Variants in COL4A4 observed in about 807,000 individuals in gnomAD.
COL4A4 encodes the protein collagen alpha-4(IV) chain.
A neutral mutation model predicts 192.9 loss-of-function variants in COL4A4; 105 were observed. The observed-to-expected ratio is 0.54, with a 90% CI of 0.46 to 0.64. The LOEUF (loss-of-function observed/expected upper bound fraction) is 0.64, where lower values mean the gene tolerates loss of function less well. Among genes scored for constraint, COL4A4 ranks in the 30% least tolerant of loss-of-function variants. COL4A4 has a pLI of 0.00. For missense variants in COL4A4, 1,967 were observed against 2,169.3 expected, an observed-to-expected ratio of 0.91 and a Z score of 1.85; for synonymous variants, 762 against 769.9, an observed-to-expected ratio of 0.99 and a Z score of 0.17.
At chr2:227,157,750 A>T (rs2064468902) in intron 1 of COL4A4, among the ~76,000 whole-genome samples, 1 of 152,058 alleles carries the variant, frequency 6.6e-6, no homozygotes. Context: ...TTTATAATTA[A>T]TGAATTTTGT....
rs1977414623 is a variant in COL4A4 at position 227,062,611 on chromosome 2, A to G, written c.1988-13T>C. The G allele has an allele frequency of 2.5e-6, 4 of 1,604,996 alleles. No homozygotes were observed. The Admixed American group carries it at 6.7e-5, about 27-fold the overall frequency. On this transcript the variant is annotated splice_polypyrimidine_tract_variant and intron_variant, in intron 25 of 47. Transcript: ENST00000396625. ...GAAATTGTGTCACCTGCAATGAGAAAAGAAAAGCGGCATTCACATAACTGA... is the reference window on the plus strand; with the variant it reads ...GAAATTGTGTCACCTGCAATGAGAAGAGAAAAGCGGCATTCACATAACTGA...
At chr2:227,088,311 T>C (rs938908831) in intron 22 of COL4A4, among the ~76,000 whole-genome samples, 1 of 152,112 alleles carries the variant, frequency 6.6e-6, no homozygotes, top group African/African-American at 2.4e-5. Flanking sequence ...TCCCCATGTG[T>C]TGAGGGAGGG....
chr2:227,099,346 C>T (rs896251216), intron 18 of COL4A4, among the ~76,000 whole-genome samples: 8 of 152,142 alleles, frequency 5.3e-5, no homozygotes, highest in African/African-American at 1.4e-4. Context: ...GAGTTACAGG[C>T]GTGAGCCACT....
chr2:227,162,778 T>TG (rs1457872567), intron 1 of COL4A4, among the ~76,000 whole-genome samples: 2 of 152,210 alleles, frequency 1.3e-5, no homozygotes, highest in Non-Finnish European at 2.9e-5. Flanking sequence ...CTGATAAAAT[T>TG]GGCTTGGAAT....
intron 43 of COL4A4, chr2:227,022,604 T>C (rs1966239248): frequency 1.9e-6 from 1 of 526,236 alleles, no homozygotes; most frequent in Non-Finnish European, 3.9e-6. Context: ...GAGTCCTTAC[T>C]CTACACTGCA....
chr2:227,138,364 TGGC>T (rs2062962749), intron 4 of COL4A4, among the ~76,000 whole-genome samples: 1 of 151,724 alleles, frequency 6.6e-6, no homozygotes, highest in Non-Finnish European at 1.5e-5. Context: ...CCTGGTGCAG[TGGC>T]TCACGCCTGT....
rs796951546 is a variant in COL4A4, at chr2:227,111,596, G to A, written c.594+82C>T. On this transcript the variant is annotated intron_variant, in intron 9 of 47. Coordinates refer to ENST00000396625, the MANE Select transcript of COL4A4 (RefSeq NM_000092.5). ...CTAGGTGAGCCGCACAAATTATGTAGCTGGCTTTGCTGGGATTAAAACGTG... is the reference window on the plus strand; with the variant it reads ...CTAGGTGAGCCGCACAAATTATGTAACTGGCTTTGCTGGGATTAAAACGTG... 6 of 1,442,138 alleles carry A rather than the reference G, an allele frequency of 4.2e-6. No individual in the cohort carries two copies. The African/African-American group carries it at 5.6e-5, about 13-fold the overall frequency. 89.3% of individuals were successfully genotyped at this position (1,442,138 alleles called of 1,614,324 possible). A position where few individuals can be genotyped will look rare whatever the true frequency, so the allele number is the denominator to read the frequency against.
intron 20 of COL4A4, among the ~76,000 whole-genome samples, chr2:227,092,195 A>G (rs2059978701): frequency 6.6e-6 from 1 of 152,226 alleles, no homozygotes; most frequent in Admixed American, 6.5e-5. Context: ...AAATGCCATC[A>G]AAATCCTGAG....
chr2:227,092,887 G>T lies in COL4A4; in HGVS notation c.1369+1238C>A, dbSNP rs1453452241. Among the ~76,000 whole-genome samples, 8 of 152,322 alleles carry T rather than the reference G, an allele frequency of 5.3e-5. No homozygotes were observed. The South Asian group carries it at 1.7e-3, about 32-fold the overall frequency. On this transcript the variant is annotated intron_variant, in intron 20 of 47. Coordinates refer to ENST00000396625, the MANE Select transcript of COL4A4 (RefSeq NM_000092.5). ...CCGTAAAGGAAAGTCAAAAGATAAT[G>T]CTGAATTGGAAAAATTGAGAAATAG... is the stretch of plus-strand genomic sequence containing the variant.
At chr2:227,021,698 G>A (rs1009983364) in intron 44 of COL4A4, among the ~76,000 whole-genome samples, 6 of 152,194 alleles carry the variant, frequency 3.9e-5, no homozygotes, top group South Asian at 2.1e-4. Flanking sequence ...GGTGGTGGGC[G>A]CCTGTAGTCC....
rs942999651 is a variant in COL4A4, at chr2:227,003,197, A to G, written c.*4128T>C. ...AATAATTCTAATCAGTAATTTATAT[A>G]CCCTGTGAGAATCATAATTCTGTGT... is the stretch of plus-strand genomic sequence containing the variant. On this transcript the variant is annotated 3_prime_UTR_variant, in exon 48 of 48. Coordinates refer to ENST00000396625, the MANE Select transcript of COL4A4 (RefSeq NM_000092.5). 9 of 152,220 alleles carry G rather than the reference A, an allele frequency of 5.9e-5. No individual in the cohort carries two copies. The highest frequency in any genetic ancestry group is 2.2e-4 in the African/African-American group (9 of 41,454). 9.4% of individuals were successfully genotyped at this position (152,220 alleles called of 1,614,324 possible). A position where few individuals can be genotyped will look rare whatever the true frequency, so the allele number is the denominator to read the frequency against.
At chr2:227,101,478 T>C (rs2060518319) in intron 17 of COL4A4, 26 bp downstream of exon 17, 1 of 1,564,252 alleles carries the variant, frequency 6.4e-7, no homozygotes, top group Non-Finnish European at 8.7e-7. Flanking sequence ...TTTATCAGGA[T>C]ATATTAAAAT....
intron 4 of COL4A4, among the ~76,000 whole-genome samples, chr2:227,124,647 G>A (rs566520480): frequency 2.6e-5 from 4 of 152,236 alleles, no homozygotes; most frequent in East Asian, 1.9e-4. Flanking sequence ...GTGTAATTAC[G>A]TGAGCACAAA....
chr2:227,053,825 C>T (rs1319166503), intron 31 of COL4A4, among the ~76,000 whole-genome samples: 9 of 151,846 alleles, frequency 5.9e-5, no homozygotes, highest in Admixed American at 1.3e-4. Flanking sequence ...GGATTACAGG[C>T]GTGAGCCACC....
intron 1 of COL4A4, among the ~76,000 whole-genome samples, chr2:227,149,392 T>C (rs12694716): frequency 0.39 from 58,768 of 151,818 alleles, 11,515 homozygotes; most frequent in Non-Finnish European, 0.43. Flanking sequence ...AGGTCCCTAG[T>C]TTCTGTTTCT....
At position 227,062,740 on chromosome 2, in the gene COL4A4, T is replaced by C. The variant is rs551259701; in HGVS notation, c.1988-142A>G. 7 of 691,960 alleles carry C rather than the reference T, an allele frequency of 1.0e-5. No homozygotes were observed. In the African/African-American group the frequency reaches 1.1e-4, roughly 11 times the overall value. The allele number at this position is 691,960 out of a possible 1,614,324, so 42.9% of individuals were successfully genotyped here. A position where few individuals can be genotyped will look rare whatever the true frequency, so the allele number is the denominator to read the frequency against. ...GAAAAAGAAGACTCCCAAGTATCAT[T>C]AGATCACTTAAGCTGCTTTCATACA... On this transcript the variant is annotated intron_variant, in intron 25 of 47. Coordinates refer to ENST00000396625, the MANE Select transcript of COL4A4 (RefSeq NM_000092.5).
At chr2:227,113,248 A>C (rs757360632) in intron 8 of COL4A4, among the ~76,000 whole-genome samples, 14 of 152,212 alleles carry the variant, frequency 9.2e-5, no homozygotes, top group Non-Finnish European at 1.5e-4. Context: ...TATCATAGCC[A>C]TTAGAATGAG....
chr2:227,026,085 T>G (rs1263979108), intron 42 of COL4A4, among the ~76,000 whole-genome samples: 1 of 152,196 alleles, frequency 6.6e-6, no homozygotes, highest in African/African-American at 2.4e-5. Flanking sequence ...CTAGTTGATT[T>G]CTTCTGGCAA....
At chr2:227,017,903 G>T (rs1965250760) in intron 44 of COL4A4, among the ~76,000 whole-genome samples, 1 of 152,076 alleles carries the variant, frequency 6.6e-6, no homozygotes, top group African/African-American at 2.4e-5. Flanking sequence ...TCATCACCCA[G>T]GAATTAAGCC....
Sources: gnomAD v4.1 joint callset for allele counts (sites outside exome capture counted in the v4.1 genomes callset) on GRCh38, gnomAD v4.1.1 for gene constraint, MANE v1.5 for transcripts, NCBI Gene and HGNC (gene_info 2026-07-23, HGNC 2026-07-21) for gene names.